The following HIVEP1 variants were observed in gnomAD, a reference collection of about 807,000 sequenced individuals.
The protein encoded by HIVEP1 is zinc finger protein 40.
In HIVEP1, 36 loss-of-function variants were observed where a neutral mutation model predicts 180.0. The observed-to-expected ratio is 0.20, with a 90% CI of 0.15 to 0.26. The LOEUF is 0.26. HIVEP1 is among the 10% of genes least tolerant of loss of function. The pLI, the probability that HIVEP1 is intolerant of heterozygous loss-of-function variation, is 1.00. For missense variants in HIVEP1, 3,143 were observed against 3,268.7 expected (o/e 0.96, Z 0.94); for synonymous variants, 1,239 against 1,239.0 (o/e 1.00, Z 0.00).
intron 7 of HIVEP1, among the ~76,000 whole-genome samples, chr6:12,155,648 C>G (rs1405311110): frequency 1.3e-5 from 2 of 152,172 alleles, no homozygotes; most frequent in Non-Finnish European, 1.5e-5. Context: ...TTTTCCTTAT[C>G]CAGTCTATCA....
At position 12,056,119 on chromosome 6, in the gene HIVEP1, TA is replaced by T. The variant is rs201052889; in HGVS notation, c.41-33056del. Among the ~76,000 whole-genome samples, 1,036 of 151,080 alleles carry T rather than the reference TA, an allele frequency of 6.9e-3. 6 individuals carry two copies. Among genetic ancestry groups the T allele is most frequent in the African/African-American group, 0.024 (970 of 41,228 alleles). ...AAGGCTGGAATAGAGAAACTAAGGT[TA>T]AAAAAAAAGATTAATGAAGAAGCGG... is the stretch of plus-strand genomic sequence containing the variant. On this transcript the variant is annotated intron_variant, in intron 2 of 8. Coordinates refer to ENST00000379388, the MANE Select transcript of HIVEP1 (RefSeq NM_002114.4).
the HIVEP1 span, among the ~76,000 whole-genome samples, chr6:12,204,051 TG>T: frequency 4.0e-5 from 6 of 151,258 alleles, no homozygotes; most frequent in South Asian, 2.1e-4. Flanking sequence ...CACTCCAGCC[TG>T]GGCAACAGAG....
chr6:12,080,756 A>AGT (rs1412826849), intron 2 of HIVEP1, among the ~76,000 whole-genome samples: 1 of 152,212 alleles, frequency 6.6e-6, no homozygotes, highest in Non-Finnish European at 1.5e-5. Flanking sequence ...AGACCATAAA[A>AGT]GTGTAGCAAG....
chr6:12,167,717 T>TGTGTATA (rs1562023884), downstream of HIVEP1, among the ~76,000 whole-genome samples: 9 of 83,264 alleles, frequency 1.1e-4, 1 homozygote, highest in African/African-American at 3.9e-4. Flanking sequence ...ATATGCATAA[T>TGTGTATA]ATATATACAT....
chr6:12,061,015 G>A (rs971951230), intron 2 of HIVEP1, among the ~76,000 whole-genome samples: 1 of 152,120 alleles, frequency 6.6e-6, no homozygotes, highest in Non-Finnish European at 1.5e-5. Flanking sequence ...GCGAGAGTCT[G>A]CCTTAGAGCT....
chr6:12,097,333 C>T (rs1320139184), intron 3 of HIVEP1, among the ~76,000 whole-genome samples: 3 of 145,544 alleles, frequency 2.1e-5, no homozygotes. Flanking sequence ...TTTTTTTTGC[C>T]CTGAGAAATA....
intron 2 of HIVEP1, among the ~76,000 whole-genome samples, chr6:12,087,515 A>G (rs2113318876): frequency 6.6e-6 from 1 of 152,228 alleles, no homozygotes; most frequent in South Asian, 2.1e-4. Flanking sequence ...TGCTTTGGTA[A>G]TAAAAGTCCT....
chr6:12,041,437 A>AAG (rs1769710748), intron 2 of HIVEP1, among the ~76,000 whole-genome samples: 1 of 151,004 alleles, frequency 6.6e-6, no homozygotes, highest in Non-Finnish European at 1.5e-5. Flanking sequence ...AAAAAAAAAA[A>AAG]AAAAAAAGCC....
At chr6:12,062,023 G>T (rs1175783574) in intron 2 of HIVEP1, among the ~76,000 whole-genome samples, 1 of 152,138 alleles carries the variant, frequency 6.6e-6, no homozygotes, top group Non-Finnish European at 1.5e-5. Flanking sequence ...TTGTCAGTTT[G>T]TTAGTCATTG....
Position 12,123,117 on chromosome 6 carries a change from C to T in HIVEP1, c.3322C>T (p.Leu1108=). The change falls in exon 4 of 9, where the codon CTG becomes TTG. Residue 1108 remains leucine (L), a synonymous_variant. Transcript: ENST00000379388. The part of the protein sequence containing the change: ...RGPEQTMDPK[L]STIMEQQISS... The stretch of plus-strand genomic sequence containing the variant: ...CCCTGAGCAGACCATGGATCCCAAG[C>T]TGTCGACCATCATGGAACAACAGAT... 6.2e-7 allele frequency: 1 copy of T among 1,614,166 alleles called. No homozygotes were observed.
the HIVEP1 span, among the ~76,000 whole-genome samples, chr6:12,208,593 C>A: frequency 6.6e-6 from 1 of 152,116 alleles, no homozygotes; most frequent in African/African-American, 2.4e-5. Flanking sequence ...AGAGTATGAT[C>A]GTATTTGGAG....
chr6:12,023,364 GT>G (rs1768374385), intron 2 of HIVEP1, among the ~76,000 whole-genome samples: 1 of 152,156 alleles, frequency 6.6e-6, no homozygotes, highest in South Asian at 2.1e-4. Context: ...AATTCCAGCT[GT>G]TTAAGCATCG....
the HIVEP1 span, among the ~76,000 whole-genome samples, chr6:12,189,591 G>A: frequency 7.9e-5 from 12 of 152,034 alleles, no homozygotes; most frequent in South Asian, 2.3e-3. Context: ...CATTTTCCAC[G>A]AACGATTAAC....
At chr6:12,103,702 A>G (rs1774242527) in intron 3 of HIVEP1, among the ~76,000 whole-genome samples, 1 of 151,196 alleles carries the variant, frequency 6.6e-6, no homozygotes, top group African/African-American at 2.4e-5. Context: ...TAGGTCTTCA[A>G]TAGTGTATTC....
At chr6:12,014,663 G>A (rs1047184673) in intron 1 of HIVEP1, among the ~76,000 whole-genome samples, 3 of 152,204 alleles carry the variant, frequency 2.0e-5, no homozygotes, top group Non-Finnish European at 1.5e-5. Context: ...TGAGAATCTT[G>A]TGGAAGAGCC....
rs189672868 is a variant in HIVEP1, at chr6:12,141,354, G to A, written c.6487+5462G>A. On this transcript the variant is annotated intron_variant, in intron 7 of 8. Coordinates refer to ENST00000379388, the MANE Select transcript of HIVEP1 (RefSeq NM_002114.4). The stretch of plus-strand genomic sequence containing the variant: ...TTTGTCACCACCAGACCTGCCTTAC[G>A]AGAGTTCCTGAAGGAAGCACTAAAC... Among the ~76,000 whole-genome samples the A allele has an allele frequency of 1.8e-4, 27 of 152,092 alleles. 1 individual carries two copies. In the East Asian group the frequency reaches 4.1e-3, roughly 23 times the overall value.
intron 4 of HIVEP1, among the ~76,000 whole-genome samples, chr6:12,126,979 T>A (rs1417803142): frequency 1.3e-5 from 2 of 152,090 alleles, no homozygotes; most frequent in Non-Finnish European, 2.9e-5. Flanking sequence ...TGTCTCAGCC[T>A]CCTGAGTAGC....
At chr6:12,042,378 G>A (rs1769827395) in intron 2 of HIVEP1, among the ~76,000 whole-genome samples, 1 of 112,870 alleles carries the variant, frequency 8.9e-6, no homozygotes, top group Non-Finnish European at 1.8e-5. Flanking sequence ...ACCGCACCCG[G>A]CCGCTTTTTT....
In HIVEP1 at chr6:12,152,665, C is replaced by T. The variant is rs1428318346; in HGVS notation, c.6488-8774C>T. ...AAACTTTGACAGTGGTCTCCTCTAG[C>T]AGAGATTTCAGATACTATGTATTCA... On this transcript the variant is annotated intron_variant, in intron 7 of 8. Coordinates refer to ENST00000379388, the MANE Select transcript of HIVEP1 (RefSeq NM_002114.4). Among the ~76,000 whole-genome samples, 3 of 152,182 alleles carry T rather than the reference C, an allele frequency of 2.0e-5. No individual in the cohort carries two copies. The East Asian group carries it at 5.8e-4, about 29-fold the overall frequency.
Sources: allele counts gnomAD v4.1 joint callset (sites outside exome capture counted in the v4.1 genomes callset), GRCh38; gene constraint gnomAD v4.1.1; transcripts MANE v1.5; gene names NCBI Gene and HGNC (gene_info 2026-07-23, HGNC 2026-07-21).